Variants in PBX1 observed in about 807,000 individuals in gnomAD.
PBX1 encodes the protein PBX homeobox 1, also known as pre-B-cell leukemia transcription factor 1.
In PBX1, 6 loss-of-function variants were observed where a neutral mutation model predicts 53.4. The ratio of observed to expected loss-of-function variants is 0.11; its 90% CI spans 0.06 to 0.22. PBX1 has a LOEUF of 0.22. PBX1 is among the 10% of genes least tolerant of loss of function. The probability of loss-of-function intolerance (pLI) is 1.00; values close to 1 mark genes in which losing one functional copy is unlikely to be tolerated. For missense variants in PBX1, 251 were observed against 551.4 expected, an observed-to-expected ratio of 0.46 and a Z score of 5.46; for synonymous variants, 204 against 212.3, an observed-to-expected ratio of 0.96 and a Z score of 0.34.
At chr1:164,768,428 C>G (rs1667183778) in intron 2 of PBX1, among the ~76,000 whole-genome samples, 1 of 152,196 alleles carries the variant, frequency 6.6e-6, no homozygotes, top group South Asian at 2.1e-4. Flanking sequence ...TGCAGGAACC[C>G]AATCATCAAG....
chr1:164,743,825 T>C (rs1665748666), intron 2 of PBX1, among the ~76,000 whole-genome samples: 1 of 152,154 alleles, frequency 6.6e-6, no homozygotes, highest in African/African-American at 2.4e-5. Flanking sequence ...TTAGTTCTTT[T>C]AAGAAGCCTT....
At position 164,816,208 on chromosome 1, in the gene PBX1, C is replaced by A. The variant is rs1669873002; in HGVS notation, c.998-3864C>A. 9 of 152,310 alleles carry A rather than the reference C, an allele frequency of 5.9e-5. No homozygotes were observed. In the South Asian group the frequency reaches 1.9e-3, roughly 32 times the overall value. The allele number at this position is 152,310 out of a possible 1,614,324, so 9.4% of individuals were successfully genotyped here. A position where few individuals can be genotyped will look rare whatever the true frequency, so the allele number is the denominator to read the frequency against. On this transcript the variant is annotated intron_variant, in intron 6 of 8. Coordinates refer to ENST00000420696, the MANE Select transcript of PBX1 (RefSeq NM_002585.4). ...ATACCTATTGAAGGGTTTTCACATT[C>A]AACCAGACAACACTTTACTCTTTTG...
chr1:164,884,548 G>C (rs1571559786), intron 2 of PBX1: 1 of 512,486 alleles, frequency 2.0e-6, no homozygotes, highest in African/African-American at 1.9e-5. Context: ...CCAGGAAATT[G>C]CAAGAACCTA....
At chr1:164,613,776 A>G (rs1025453345) in intron 2 of PBX1, among the ~76,000 whole-genome samples, 7 of 152,012 alleles carry the variant, frequency 4.6e-5, no homozygotes, top group African/African-American at 1.7e-4. Flanking sequence ...GAAACGAAGA[A>G]ATCTGACTCC....
intron 2 of PBX1, among the ~76,000 whole-genome samples, chr1:164,736,881 T>A (rs1665320436): frequency 6.6e-6 from 1 of 152,226 alleles, no homozygotes. Context: ...AGTTTCACTC[T>A]ATTAAAAGAA....
At chr1:164,561,691 CTG>C (rs1298417869) in intron 1 of PBX1, among the ~76,000 whole-genome samples, 2 of 152,134 alleles carry the variant, frequency 1.3e-5, no homozygotes, top group African/African-American at 4.8e-5. Flanking sequence ...TTTTGTGAAA[CTG>C]TGGACAAACA....
chr1:164,833,133 G>T (rs574613358), intron 8 of PBX1, among the ~76,000 whole-genome samples: 3 of 151,338 alleles, frequency 2.0e-5, no homozygotes, highest in African/African-American at 7.3e-5. Context: ...TATTTTTGGG[G>T]TAAGCAAAAA....
At chr1:164,652,138 A>G (rs1342291921) in intron 2 of PBX1, 1 of 151,960 alleles carries the variant, frequency 6.6e-6, no homozygotes, top group East Asian at 1.9e-4. Flanking sequence ...GCTCACTGCA[A>G]TCTCCGTCTC....
At chr1:164,816,231 T>G (rs987008196) in intron 6 of PBX1, 6 of 152,176 alleles carry the variant, frequency 3.9e-5, no homozygotes, top group Non-Finnish European at 8.8e-5. Flanking sequence ...CTTTACTCTT[T>G]TGCTTTGTCC....
intron 2 of PBX1, among the ~76,000 whole-genome samples, chr1:164,621,326 G>A (rs930226898): frequency 6.6e-6 from 1 of 152,202 alleles, no homozygotes; most frequent in African/African-American, 2.4e-5. Flanking sequence ...CTTTCTGTCT[G>A]TCTGTATTTG....
At chr1:164,798,558 G>A (rs75640189) in intron 3 of PBX1, among the ~76,000 whole-genome samples, 2,282 of 152,332 alleles carry the variant, frequency 0.015, 49 homozygotes, top group African/African-American at 0.053. Flanking sequence ...GCCTAAAATA[G>A]GAAGGGCTCA....
chr1:164,617,681 AC>A (rs1202097191), intron 2 of PBX1, among the ~76,000 whole-genome samples: 3 of 152,156 alleles, frequency 2.0e-5, no homozygotes, highest in Non-Finnish European at 4.4e-5. Flanking sequence ...TTTTCCCTGG[AC>A]CAGGATTCTT....
chr1:164,614,542 G>A (rs923337707), intron 2 of PBX1, among the ~76,000 whole-genome samples: 2 of 152,170 alleles, frequency 1.3e-5, no homozygotes, highest in East Asian at 3.9e-4. Context: ...CACTTGCAAC[G>A]TCCCTACCTA....
At chr1:164,563,171 C>T in intron 1 of PBX1, 67 bp from the exon 2 acceptor site, 2 of 1,061,854 alleles carry the variant, frequency 1.9e-6, no homozygotes, top group Non-Finnish European at 2.9e-6. Flanking sequence ...ATGTTTTCAC[C>T]CTGTGCATTA....
intron 2 of PBX1, among the ~76,000 whole-genome samples, chr1:164,760,510 A>G (rs1369719331): frequency 7.1e-6 from 1 of 141,284 alleles, no homozygotes; most frequent in African/African-American, 2.6e-5. Flanking sequence ...ATTTTGTTAT[A>G]TATTCACTCT....
At chr1:164,788,084 A>AG (rs1668294101) in intron 2 of PBX1, among the ~76,000 whole-genome samples, 1 of 146,042 alleles carries the variant, frequency 6.8e-6, no homozygotes, top group African/African-American at 2.5e-5. Context: ...GGAAGAGATG[A>AG]GGGGGAGGGA....
At chr1:164,590,542 T>C (rs1184428189) in intron 2 of PBX1, 1 of 448,128 alleles carries the variant, frequency 2.2e-6, no homozygotes, top group Non-Finnish European at 4.5e-6. Context: ...AGGACAACAG[T>C]GTGAAATCTT....
chr1:164,782,464 T>C (rs1227288371), intron 2 of PBX1, among the ~76,000 whole-genome samples: 1 of 152,210 alleles, frequency 6.6e-6, no homozygotes, highest in African/African-American at 2.4e-5. Context: ...CTGTGATCTG[T>C]AGAACTGGAA....
intron 8 of PBX1, among the ~76,000 whole-genome samples, chr1:164,823,079 C>T (rs1000076457): frequency 2.6e-5 from 4 of 152,166 alleles, no homozygotes; most frequent in Non-Finnish European, 5.9e-5. Flanking sequence ...CAATATTTAT[C>T]AAGTCTTCTC....
Sources: allele counts gnomAD v4.1 joint callset (sites outside exome capture counted in the v4.1 genomes callset), GRCh38; gene constraint gnomAD v4.1.1; transcripts MANE v1.5; gene names NCBI Gene and HGNC (gene_info 2026-07-23, HGNC 2026-07-21).